The following WWOX variants were observed in gnomAD, a reference collection of about 807,000 sequenced individuals.
WWOX encodes WW domain containing oxidoreductase, also known as WW domain-containing oxidoreductase.
In WWOX, 69 loss-of-function variants were observed where a neutral mutation model predicts 46.2. That is an observed-to-expected ratio of 1.49 (90% CI 1.23 to 1.82). The LOEUF is 1.82. Among genes scored for constraint, WWOX ranks in the 40% most tolerant of loss-of-function variants. WWOX has a pLI of 0.00. For missense variants in WWOX, 919 were observed against 542.6 expected (o/e 1.69, Z -6.89); for synonymous variants, 359 against 202.6 (o/e 1.77, Z -6.56).
chr16:79,066,705 A>G (rs1470348645), intron 8 of WWOX, among the ~76,000 whole-genome samples: 1 of 152,232 alleles, frequency 6.6e-6, no homozygotes, highest in Non-Finnish European at 1.5e-5. Flanking sequence ...GCTCTGTGCC[A>G]TGAGAGCCTG....
intron 5 of WWOX, among the ~76,000 whole-genome samples, chr16:78,286,407 A>T (rs141458666): frequency 1.3e-5 from 2 of 152,326 alleles, no homozygotes; most frequent in Admixed American, 1.3e-4. Flanking sequence ...TAGTATTGTT[A>T]GACTTAGCTG....
At chr16:78,706,821 A>G (rs1015538640) in intron 8 of WWOX, among the ~76,000 whole-genome samples, 1 of 152,038 alleles carries the variant, frequency 6.6e-6, no homozygotes, top group Non-Finnish European at 1.5e-5. Flanking sequence ...TTTTGGAGAC[A>G]GATCTCACTT....
chr16:79,132,242 CTTTATAAGTTA>C (rs2049895167), intron 8 of WWOX, among the ~76,000 whole-genome samples: 1 of 151,950 alleles, frequency 6.6e-6, no homozygotes, highest in South Asian at 2.1e-4. Flanking sequence ...CTTTAGTTGA[CTTTATAAGTTA>C]CATTTTACAT....
chr16:78,529,777 T>A (rs2043575610), intron 8 of WWOX, among the ~76,000 whole-genome samples: 1 of 152,102 alleles, frequency 6.6e-6, no homozygotes, highest in African/African-American at 2.4e-5. Context: ...CTCAGAGTGT[T>A]TTAAAATGCA....
At chr16:78,565,413 C>G (rs1448025278) in intron 8 of WWOX, among the ~76,000 whole-genome samples, 1 of 152,184 alleles carries the variant, frequency 6.6e-6, no homozygotes, top group East Asian at 1.9e-4. Flanking sequence ...CATTCCTTGG[C>G]TCTTGGCCCC....
At chr16:79,111,679 G>C (rs895263340) in intron 8 of WWOX, among the ~76,000 whole-genome samples, 12 of 152,214 alleles carry the variant, frequency 7.9e-5, no homozygotes, top group Non-Finnish European at 1.6e-4. Flanking sequence ...AGGCAAATCA[G>C]CATGGGTAAT....
In WWOX at chr16:78,627,491, C is replaced by G. The variant is rs142827927; in HGVS notation, c.1056+194739C>G. Among the ~76,000 whole-genome samples, 786 of 152,258 alleles carry G rather than the reference C, an allele frequency of 5.2e-3. 3 individuals carry two copies. The highest frequency in any genetic ancestry group is 7.7e-3 in the Non-Finnish European group (522 of 68,032). On this transcript the variant is annotated intron_variant, in intron 8 of 8. Transcript: ENST00000566780. ...CTTGACATTCTGTGATCCTGTAAGTCTTTGAATAATGGCCCAGGATGCCAA... is the reference window on the plus strand; with the variant it reads ...CTTGACATTCTGTGATCCTGTAAGTGTTTGAATAATGGCCCAGGATGCCAA...
intron 8 of WWOX, among the ~76,000 whole-genome samples, chr16:78,754,704 A>G (rs1240608830): frequency 2.0e-5 from 3 of 152,160 alleles, no homozygotes; most frequent in Non-Finnish European, 4.4e-5. Flanking sequence ...TATGCAGTGC[A>G]TTTATTTGGT....
At chr16:78,735,152 C>A (rs774400292) in intron 8 of WWOX, among the ~76,000 whole-genome samples, 1 of 151,848 alleles carries the variant, frequency 6.6e-6, no homozygotes, top group African/African-American at 2.4e-5. Flanking sequence ...CAGGGGTGAG[C>A]CACCACGTCT....
chr16:78,908,496 C>T (rs1407555806), intron 8 of WWOX, among the ~76,000 whole-genome samples: 2 of 150,966 alleles, frequency 1.3e-5, no homozygotes, highest in Admixed American at 6.6e-5. Flanking sequence ...GTCGAGATCA[C>T]ACCACTGCAC....
At chr16:78,308,693 G>T (rs917665849) in intron 5 of WWOX, among the ~76,000 whole-genome samples, 7 of 152,060 alleles carry the variant, frequency 4.6e-5, no homozygotes, top group African/African-American at 1.7e-4. Context: ...CACCTTTTTA[G>T]TTTTGATAAG....
intron 5 of WWOX, among the ~76,000 whole-genome samples, chr16:78,342,010 G>A (rs934663984): frequency 3.3e-5 from 4 of 120,554 alleles, no homozygotes; most frequent in Admixed American, 8.0e-5. Flanking sequence ...CAGGTACTTC[G>A]GAGGCTGAGG....
chr16:78,484,631 G>T (rs2084584601), intron 8 of WWOX, among the ~76,000 whole-genome samples: 3 of 152,172 alleles, frequency 2.0e-5, no homozygotes. Context: ...GGTAGTATTT[G>T]TGTGTAGAAG....
chr16:79,210,220 C>T (rs369817967), intron 8 of WWOX, among the ~76,000 whole-genome samples: 1 of 152,224 alleles, frequency 6.6e-6, no homozygotes, highest in African/African-American at 2.4e-5. Flanking sequence ...TATCCTGACA[C>T]TGAAGAAGCT....
intron 8 of WWOX, among the ~76,000 whole-genome samples, chr16:78,921,780 C>A (rs930907300): frequency 6.6e-6 from 1 of 152,148 alleles, no homozygotes; most frequent in African/African-American, 2.4e-5. Context: ...AGGCATGATG[C>A]CCAAGATTGT....
intron 5 of WWOX, among the ~76,000 whole-genome samples, chr16:78,250,742 G>C (rs2037962301): frequency 6.6e-6 from 1 of 152,168 alleles, no homozygotes; most frequent in South Asian, 2.1e-4. Context: ...GTGGCAGTAG[G>C]CTGGACAGGA....
intron 8 of WWOX, among the ~76,000 whole-genome samples, chr16:78,609,941 G>A (rs1010943226): frequency 6.6e-6 from 1 of 152,194 alleles, no homozygotes; most frequent in East Asian, 1.9e-4. Context: ...GGGTAGCATA[G>A]AATAAACAGG....
intron 8 of WWOX, among the ~76,000 whole-genome samples, chr16:79,058,192 G>T (rs1211850230): frequency 6.6e-6 from 1 of 151,788 alleles, no homozygotes; most frequent in East Asian, 1.9e-4. Context: ...CCTGTATAGA[G>T]AGAGTCAGGC....
At chr16:78,720,748 T>G (rs911274250) in intron 8 of WWOX, among the ~76,000 whole-genome samples, 1 of 152,156 alleles carries the variant, frequency 6.6e-6, no homozygotes, top group Non-Finnish European at 1.5e-5. Context: ...GCTTGTCTCT[T>G]CTAGAATTTA....
Sources: allele counts gnomAD v4.1 joint callset (sites outside exome capture counted in the v4.1 genomes callset), GRCh38; gene constraint gnomAD v4.1.1; transcripts MANE v1.5; gene names NCBI Gene and HGNC (gene_info 2026-07-23, HGNC 2026-07-21).